THADA: variants seen among roughly 807,000 people sequenced by gnomAD.
THADA encodes tRNA (32-2'-O)-methyltransferase regulator THADA.
A neutral mutation model predicts 219.8 loss-of-function variants in THADA; 213 were observed. The observed-to-expected ratio is 0.97, with a 90% CI of 0.87 to 1.09. THADA has a LOEUF of 1.09. Ranked by LOEUF, THADA falls within the 50% of genes least tolerant of loss-of-function variation. The pLI, the probability that THADA is intolerant of heterozygous loss-of-function variation, is 0.00. For synonymous variants in THADA, 1,018 were observed against 828.9 expected, an observed-to-expected ratio of 1.23 and a Z score of -3.92; for missense variants, 2,956 against 2,311.3, an observed-to-expected ratio of 1.28 and a Z score of -5.72.
intron 28 of THADA, among the ~76,000 whole-genome samples, chr2:43,404,624 T>C (rs1017570783): frequency 1.3e-5 from 2 of 152,182 alleles, no homozygotes; most frequent in African/African-American, 4.8e-5. Context: ...CTCACTTACC[T>C]TCCCCACAGT....
chr2:43,480,336 C>A (rs1366800190), intron 26 of THADA, among the ~76,000 whole-genome samples: 2 of 152,186 alleles, frequency 1.3e-5, no homozygotes, highest in Non-Finnish European at 2.9e-5. Context: ...TGTCCTTCTA[C>A]ACAACTGAAC....
chr2:43,352,326 G>C (rs1384561334), intron 29 of THADA, among the ~76,000 whole-genome samples: 2 of 152,154 alleles, frequency 1.3e-5, no homozygotes, highest in Non-Finnish European at 1.5e-5. Flanking sequence ...GGGAGGCCGA[G>C]GTAAGTGGAT....
chr2:43,513,324 A>C (rs933318702), intron 22 of THADA, among the ~76,000 whole-genome samples: 2 of 152,208 alleles, frequency 1.3e-5, no homozygotes, highest in African/African-American at 4.8e-5. Flanking sequence ...AAAATATACA[A>C]ATAGAAACCC....
intron 26 of THADA, among the ~76,000 whole-genome samples, chr2:43,440,182 C>T (rs1003914417): frequency 2.2e-4 from 33 of 152,034 alleles, no homozygotes; most frequent in African/African-American, 7.5e-4. Context: ...AGTTTTTTTC[C>T]TTACAAATAA....
intron 15 of THADA, among the ~76,000 whole-genome samples, chr2:43,561,588 T>C (rs1458822354): frequency 2.0e-5 from 3 of 152,236 alleles, no homozygotes; most frequent in African/African-American, 7.2e-5. Context: ...ATTTGAGGAA[T>C]ATAAATTGGG....
Position 43,293,127 on chromosome 2 carries a change from C to A in THADA, c.4525G>T (p.Val1509Leu). 1 of 1,613,966 alleles carries A rather than the reference C, an allele frequency of 6.2e-7. No individual in the cohort carries two copies. The change falls in exon 32 of 38, where the codon GTG (valine) becomes TTG (leucine). Residue 1509 changes from valine (V) to leucine (L), a missense_variant. Physicochemically the swap from Val to Leu is conservative, Grantham distance 32. Coordinates refer to ENST00000405975, the MANE Select transcript of THADA (RefSeq NM_022065.5). ...TGGAGGTACTGGGGCAGGCCTGGCACCTTGAAGGCCCAAGGGAATCCCGTT... is the reference window on the plus strand; with the variant it reads ...TGGAGGTACTGGGGCAGGCCTGGCAACTTGAAGGCCCAAGGGAATCCCGTT... The part of the protein sequence containing the change: ...LITGFPWAFK[V>L]PGLPQYLQSL...
intron 26 of THADA, among the ~76,000 whole-genome samples, chr2:43,464,305 T>C (rs988283320): frequency 6.6e-6 from 1 of 150,806 alleles, no homozygotes; most frequent in African/African-American, 2.4e-5. Flanking sequence ...TACTCATCTA[T>C]AAAACAAGTA....
At chr2:43,551,669 T>A (rs530547712) in intron 19 of THADA, 120 bp downstream of exon 19, 19 of 886,098 alleles carry the variant, frequency 2.1e-5, no homozygotes, top group Middle Eastern at 7.8e-4. Flanking sequence ...TAATAATAAT[T>A]ATTTTCTCCT....
At chr2:43,586,271 A>T (rs1310800947) in intron 7 of THADA, 130 bp downstream of exon 7, 49 of 807,132 alleles carry the variant, frequency 6.1e-5, no homozygotes, top group East Asian at 9.0e-5. Flanking sequence ...TCTCAAAAAA[A>T]ATATAAAAGT....
Position 43,571,875 on chromosome 2 carries a change from A to C in THADA, c.1909-13T>G. The C allele has an allele frequency of 6.2e-7, 1 of 1,609,572 alleles. No homozygotes were observed. The highest frequency in any genetic ancestry group is 1.1e-5 in the South Asian group (1 of 90,738). Reference sequence around the variant, plus strand: ...TATCTATCCTTACCTAAAAAACATCAAGCAATAAAATGTTAATTTTCCAAG... The same window carrying C: ...TATCTATCCTTACCTAAAAAACATCCAGCAATAAAATGTTAATTTTCCAAG... On this transcript the variant is annotated splice_polypyrimidine_tract_variant and intron_variant, in intron 12 of 37. Coordinates refer to ENST00000405975, the MANE Select transcript of THADA (RefSeq NM_022065.5).
At chr2:43,567,061 T>C (rs564019553) in intron 14 of THADA, among the ~76,000 whole-genome samples, 48 of 151,792 alleles carry the variant, frequency 3.2e-4, no homozygotes, top group African/African-American at 1.1e-3. Flanking sequence ...ACAATTTCTA[T>C]TGTAGCCCAG....
At chr2:43,278,317 G>T (rs1027084823) in intron 36 of THADA, among the ~76,000 whole-genome samples, 5 of 152,022 alleles carry the variant, frequency 3.3e-5, no homozygotes, top group African/African-American at 1.2e-4. Flanking sequence ...AAAAATCAGG[G>T]TGATTCTCAG....
At chr2:43,412,954 CA>C (rs1676476342) in intron 28 of THADA, among the ~76,000 whole-genome samples, 1 of 152,084 alleles carries the variant, frequency 6.6e-6, no homozygotes, top group African/African-American at 2.4e-5. Flanking sequence ...ATGAATGTCT[CA>C]TAACTACCTT....
chr2:43,400,914 G>A (rs910804503), intron 28 of THADA, among the ~76,000 whole-genome samples: 1 of 151,972 alleles, frequency 6.6e-6, no homozygotes, highest in African/African-American at 2.4e-5. Context: ...ATAATATGAA[G>A]GCAAAGAGGG....
At chr2:43,311,560 C>T (rs141212069) in intron 31 of THADA, among the ~76,000 whole-genome samples, 6 of 152,296 alleles carry the variant, frequency 3.9e-5, no homozygotes, top group Non-Finnish European at 7.4e-5. Context: ...CAAAAACTTG[C>T]CCATGAATGC....
At chr2:43,457,500 G>T (rs1683155740) in intron 26 of THADA, among the ~76,000 whole-genome samples, 1 of 151,982 alleles carries the variant, frequency 6.6e-6, no homozygotes, top group South Asian at 2.1e-4. Context: ...CTTCAAATTT[G>T]CCAGGAAACA....
intron 25 of THADA, among the ~76,000 whole-genome samples, chr2:43,494,863 C>T (rs191006294): frequency 9.2e-5 from 14 of 152,224 alleles, no homozygotes; most frequent in African/African-American, 2.2e-4. Flanking sequence ...GGTTTCAATA[C>T]GAAAGACTAA....
intron 32 of THADA, 62 bp downstream of exon 32, chr2:43,292,772 C>T: frequency 6.4e-7 from 1 of 1,557,400 alleles, no homozygotes; most frequent in Admixed American, 1.8e-5. Flanking sequence ...TCCTACCATT[C>T]CAGTGGCTCA....
At position 43,566,701 on chromosome 2, in the gene THADA, C is replaced by A; in HGVS notation, c.2308G>T (p.Glu770Ter). The change falls in exon 15 of 38, where the codon GAA (glutamate) becomes TAA (stop). Residue 770 changes from glutamate to a stop codon, truncating the protein, a stop_gained. Transcript: ENST00000405975. LOFTEE classifies it high-confidence loss of function. ...CCTAACATTATTAAACACTTACCTT[C>A]TGGGACATGAAAAACTTCAGCTATT... is the stretch of plus-strand genomic sequence containing the variant. ...GSIAEVFHVP[E>*]GRIYTVYQLS... The A allele has an allele frequency of 6.2e-7, 1 of 1,606,712 alleles. No homozygotes were observed.
Sources: gnomAD v4.1 joint callset for allele counts (sites outside exome capture counted in the v4.1 genomes callset) on GRCh38, gnomAD v4.1.1 for gene constraint, MANE v1.5 for transcripts, NCBI Gene and HGNC (gene_info 2026-07-23, HGNC 2026-07-21) for gene names.